Variants in POFUT3 observed in about 807,000 individuals in gnomAD.
The protein encoded by POFUT3 is protein O-fucosyltransferase 3.
chr8:33,346,114 C>T, the POFUT3 span, among the ~76,000 whole-genome samples: 1 of 148,374 alleles, frequency 6.7e-6, no homozygotes, highest in African/African-American at 2.5e-5. Flanking sequence ...CGTGAGCCAC[C>T]GTGCCTGGCC....
At chr8:33,395,540 G>A in the POFUT3 span, among the ~76,000 whole-genome samples, 1 of 151,924 alleles carries the variant, frequency 6.6e-6, no homozygotes, top group South Asian at 2.1e-4. Flanking sequence ...ATCCCACTGA[G>A]AGCCACTTCC....
At chr8:33,349,102 C>A in the POFUT3 span, among the ~76,000 whole-genome samples, 1 of 152,158 alleles carries the variant, frequency 6.6e-6, no homozygotes, top group Admixed American at 6.5e-5. Flanking sequence ...TCTAGAGAAG[C>A]CTCATGGAAA....
the POFUT3 span, among the ~76,000 whole-genome samples, chr8:33,312,719 G>A: frequency 6.6e-6 from 1 of 152,082 alleles, no homozygotes; most frequent in South Asian, 2.1e-4. Flanking sequence ...GCAGTTTGTG[G>A]CAATAGCTCA....
the POFUT3 span, among the ~76,000 whole-genome samples, chr8:33,342,321 C>T: frequency 2.0e-5 from 3 of 152,162 alleles, no homozygotes; most frequent in South Asian, 6.2e-4. Flanking sequence ...TGTACCACTG[C>T]ACTCCAGCCT....
At chr8:33,317,685 T>C in the POFUT3 span, among the ~76,000 whole-genome samples, 1 of 152,098 alleles carries the variant, frequency 6.6e-6, no homozygotes, top group African/African-American at 2.4e-5. Context: ...CTGGTTGCCC[T>C]GTAAATAAAC....
the POFUT3 span, among the ~76,000 whole-genome samples, chr8:33,357,209 A>G: frequency 6.6e-6 from 1 of 152,144 alleles, no homozygotes; most frequent in African/African-American, 2.4e-5. Flanking sequence ...TTCTGTGAAG[A>G]AAGTCATTGG....
chr8:33,318,213 T>A, the POFUT3 span, among the ~76,000 whole-genome samples: 1 of 151,872 alleles, frequency 6.6e-6, no homozygotes, highest in African/African-American at 2.4e-5. Flanking sequence ...TTCCTGCTGT[T>A]TTGTATTTTC....
chr8:33,364,703 A>T, the POFUT3 span, among the ~76,000 whole-genome samples: 3 of 152,214 alleles, frequency 2.0e-5, no homozygotes, highest in African/African-American at 7.2e-5. Flanking sequence ...AATCCAACTT[A>T]AAAGGGATGT....
At chr8:33,352,188 C>G in the POFUT3 span, among the ~76,000 whole-genome samples, 25 of 152,258 alleles carry the variant, frequency 1.6e-4, no homozygotes, top group African/African-American at 6.0e-4. Flanking sequence ...CATCAAATAG[C>G]CATGAAATTT....
chr8:33,418,914 T>C, the POFUT3 span, among the ~76,000 whole-genome samples: 1 of 152,230 alleles, frequency 6.6e-6, no homozygotes, highest in Non-Finnish European at 1.5e-5. Flanking sequence ...TGAAATCCTG[T>C]CATTTGCAGC....
chr8:33,319,700 T>A, the POFUT3 span, among the ~76,000 whole-genome samples: 4 of 19,014 alleles, frequency 2.1e-4, 1 homozygote, highest in Non-Finnish European at 2.8e-4. Context: ...AATATATATA[T>A]TTTATATATA....
the POFUT3 span, among the ~76,000 whole-genome samples, chr8:33,309,138 T>TA: frequency 5.5e-3 from 230 of 41,592 alleles, 1 homozygote; most frequent in South Asian, 8.2e-3. Flanking sequence ...CTGGGGAGTG[T>TA]AAAAAAAAAA....
chr8:33,351,958 TG>T, the POFUT3 span, among the ~76,000 whole-genome samples: 1 of 152,190 alleles, frequency 6.6e-6, no homozygotes, highest in Admixed American at 6.5e-5. Context: ...GTGAAGGAGC[TG>T]GGGTTCACAT....
the POFUT3 span, among the ~76,000 whole-genome samples, chr8:33,333,301 G>A: frequency 6.6e-6 from 1 of 152,170 alleles, no homozygotes; most frequent in Non-Finnish European, 1.5e-5. Flanking sequence ...GAGAAAAAGT[G>A]GTAAGATCAT....
At chr8:33,367,751 T>A in the POFUT3 span, among the ~76,000 whole-genome samples, 1 of 152,316 alleles carries the variant, frequency 6.6e-6, no homozygotes, top group African/African-American at 2.4e-5. Context: ...ACTCATCAGA[T>A]GAATTTACTC....
chr8:33,319,203 C>T, the POFUT3 span, among the ~76,000 whole-genome samples: 1,554 of 2,220 alleles, frequency 0.7, 447 homozygotes, highest in East Asian at 0.79. Flanking sequence ...ATATATTTTA[C>T]ATAATATATA....
the POFUT3 span, among the ~76,000 whole-genome samples, chr8:33,407,581 TA>T: frequency 6.6e-6 from 1 of 152,270 alleles, no homozygotes; most frequent in East Asian, 1.9e-4. Context: ...TAGAGAATGT[TA>T]AAAAAAATTT....
the POFUT3 span, among the ~76,000 whole-genome samples, chr8:33,309,138 TAAAAAAAAAAAAAAAAAAAAAAAAA>T: frequency 0.029 from 1,189 of 41,542 alleles, 75 homozygotes; most frequent in African/African-American, 0.088. Flanking sequence ...CTGGGGAGTG[TAAAAAAAAAAAAAAAAAAAAAAAAA>T]AAAAATATAT....
At chr8:33,355,728 A>G in the POFUT3 span, among the ~76,000 whole-genome samples, 2 of 151,814 alleles carry the variant, frequency 1.3e-5, no homozygotes, top group Admixed American at 6.6e-5. Context: ...TGTGCAGGTT[A>G]GTTACATATG....
Sources: gnomAD v4.1 joint callset for allele counts (sites outside exome capture counted in the v4.1 genomes callset) on GRCh38, gnomAD v4.1.1 for gene constraint, MANE v1.5 for transcripts, NCBI Gene and HGNC (gene_info 2026-07-23, HGNC 2026-07-21) for gene names.